The following ZBTB7A variants were observed in gnomAD, a reference collection of about 807,000 sequenced individuals.
The protein encoded by ZBTB7A is zinc finger and BTB domain-containing protein 7A.
A neutral mutation model predicts 26.7 loss-of-function variants in ZBTB7A; 7 were observed. That is an observed-to-expected ratio of 0.26 (90% CI 0.15 to 0.49). ZBTB7A has a LOEUF of 0.49. Among genes scored for constraint, ZBTB7A ranks in the 20% least tolerant of loss-of-function variants. The pLI is 0.98. For synonymous variants in ZBTB7A, 452 were observed against 441.0 expected, an observed-to-expected ratio of 1.02 and a Z score of -0.31; for missense variants, 617 against 919.5, an observed-to-expected ratio of 0.67 and a Z score of 4.25.
At chr19:4,051,632 G>A (rs576398326) in intron 2 of ZBTB7A, among the ~76,000 whole-genome samples, 5 of 152,360 alleles carry the variant, frequency 3.3e-5, no homozygotes, top group African/African-American at 1.2e-4. Flanking sequence ...AACCAGGTCT[G>A]TTACCAGCCT....
Position 4,048,362 on chromosome 19 carries a change from T to TG in ZBTB7A, c.1263-119dup, listed in dbSNP as rs1230003108. 1 of 1,345,234 alleles carries TG rather than the reference T, an allele frequency of 7.4e-7. No homozygotes were observed. The highest frequency in any genetic ancestry group is 3.0e-5 in the East Asian group (1 of 33,004). 83.3% of individuals were successfully genotyped at this position (1,345,234 alleles called of 1,614,324 possible). The stretch of plus-strand genomic sequence containing the variant: ...CATCACCCTTGCAGAACACGGACCG[T>TG]GCACCAGAGGTTTCGGTGCCCCGAT... On this transcript the variant is annotated intron_variant, in intron 2 of 2. Transcript: ENST00000322357. This position sits in a 1 kb window ranked among gnomAD's most constrained non-coding sequence, Gnocchi z 6.7.
Position 4,048,344 on chromosome 19 carries a change from C to T in ZBTB7A, c.1263-100G>A, listed in dbSNP as rs2040451236. 2.1e-6 allele frequency: 3 copies of T among 1,399,338 alleles called. No homozygotes were observed. The Admixed American group carries it at 1.0e-4, about 48-fold the overall frequency. 86.7% of individuals were successfully genotyped at this position (1,399,338 alleles called of 1,614,324 possible). On this transcript the variant is annotated intron_variant, in intron 2 of 2. Transcript: ENST00000322357. This position sits in a 1 kb window ranked among gnomAD's most constrained non-coding sequence, Gnocchi z 6.7. ...ACACGGCAGGCCCTGGATCATCACC[C>T]TTGCAGAACACGGACCGTGCACCAG... is the stretch of plus-strand genomic sequence containing the variant.
At position 4,044,826 on chromosome 19, in the gene ZBTB7A, T is replaced by C. The variant is rs2040394659; in HGVS notation, c.*2926A>G. The C allele has an allele frequency of 6.6e-6, 1 of 152,102 alleles. No homozygotes were observed. 9.4% of individuals were successfully genotyped at this position (152,102 alleles called of 1,614,324 possible). The stretch of plus-strand genomic sequence containing the variant: ...ACACGACCCTCCTCAAATATCATTT[T>C]TTTTTGTTTGTTTGTTTCCTGAAAC... On this transcript the variant is annotated 3_prime_UTR_variant, in exon 3 of 3. Coordinates refer to ENST00000322357, the MANE Select transcript of ZBTB7A (RefSeq NM_015898.4).
chr19:4,051,386 C>T (rs774917752), intron 2 of ZBTB7A, among the ~76,000 whole-genome samples: 1 of 152,068 alleles, frequency 6.6e-6, no homozygotes, highest in Non-Finnish European at 1.5e-5. Context: ...CCTTGAATGC[C>T]CCTCTACCTT....
chr19:4,060,307 G>A (rs2040626042), intron 1 of ZBTB7A, among the ~76,000 whole-genome samples: 1 of 152,244 alleles, frequency 6.6e-6, no homozygotes, highest in African/African-American at 2.4e-5. Flanking sequence ...CTGGCTGCCA[G>A]GCATACCCAG....
At chr19:4,062,073 C>T (rs1224296279) in intron 1 of ZBTB7A, 1 of 152,338 alleles carries the variant, frequency 6.6e-6, no homozygotes, top group Non-Finnish European at 1.5e-5. Flanking sequence ...CTGCCCCACC[C>T]CCACTCTCGC....
intron 2 of ZBTB7A, among the ~76,000 whole-genome samples, chr19:4,049,913 C>A (rs1443520689): frequency 6.6e-6 from 1 of 152,108 alleles, no homozygotes; most frequent in Non-Finnish European, 1.5e-5. Flanking sequence ...CTGTCATCAC[C>A]ACCTGACTCT....
chr19:4,063,269 A>C (rs2040658275), intron 1 of ZBTB7A, among the ~76,000 whole-genome samples: 1 of 152,186 alleles, frequency 6.6e-6, no homozygotes, highest in African/African-American at 2.4e-5. Flanking sequence ...CCCCGGCTGC[A>C]GGGGTCACGG....
At chr19:4,063,815 T>C (rs2040663376) in intron 1 of ZBTB7A, among the ~76,000 whole-genome samples, 1 of 151,952 alleles carries the variant, frequency 6.6e-6, no homozygotes, top group Non-Finnish European at 1.5e-5. Context: ...GCTCTCTGCT[T>C]CCCCCTACGC....
In ZBTB7A at chr19:4,066,726, G is replaced by T; in HGVS notation, c.-60C>A. Reference sequence around the variant, plus strand: ...GCGCGCGGGGCCGGGGCCCGAAGTTGGGACTGGGCTCCCTCGGCCGCTCGC... The same window carrying T: ...GCGCGCGGGGCCGGGGCCCGAAGTTTGGACTGGGCTCCCTCGGCCGCTCGC... On this transcript the variant is annotated 5_prime_UTR_variant, in exon 1 of 3. Transcript: ENST00000322357. The T allele has an allele frequency of 6.6e-6, 1 of 151,470 alleles. No individual in the cohort carries two copies. The highest frequency in any genetic ancestry group is 1.9e-4 in the South Asian group (1 of 5,330). 9.4% of individuals were successfully genotyped at this position (151,470 alleles called of 1,614,324 possible).
At chr19:4,060,755 G>T (rs546342618) in intron 1 of ZBTB7A, among the ~76,000 whole-genome samples, 1 of 152,328 alleles carries the variant, frequency 6.6e-6, no homozygotes, top group East Asian at 1.9e-4. Flanking sequence ...TGGGAGCCAG[G>T]GGCCTCCCCA....
At chr19:4,066,304 A>G (rs1400687692) in intron 1 of ZBTB7A, among the ~76,000 whole-genome samples, 1 of 147,252 alleles carries the variant, frequency 6.8e-6, no homozygotes, top group African/African-American at 2.5e-5. Context: ...TCAGCTGGAA[A>G]CTTAGCAGGC....
At chr19:4,058,988 G>A (rs1384606079) in intron 1 of ZBTB7A, among the ~76,000 whole-genome samples, 1 of 152,230 alleles carries the variant, frequency 6.6e-6, no homozygotes, top group African/African-American at 2.4e-5. Flanking sequence ...TGGGAGCAGG[G>A]AGGGTAGGAG....
Position 4,043,840 on chromosome 19 carries a change from CACCA to C in ZBTB7A, c.*3908_*3911del, listed in dbSNP as rs1568226634. 4.5e-5 allele frequency among the ~76,000 whole-genome samples: 2 copies of C among 44,120 alleles called. No homozygotes were observed. The highest frequency in any genetic ancestry group is 1.1e-4 in the Non-Finnish European group (2 of 18,154). The allele number at this position is 44,120 out of a possible 152,430, so 28.9% of individuals were successfully genotyped here. A position where few individuals can be genotyped will look rare whatever the true frequency, so the allele number is the denominator to read the frequency against. On this transcript the variant is annotated 3_prime_UTR_variant, in exon 3 of 3. Coordinates refer to ENST00000322357, the MANE Select transcript of ZBTB7A (RefSeq NM_015898.4). ...CCTGACCCGTCCTGCGCCAGCCACC[CACCA>C]CCCCCCCCCCCCCACCTCCAGGAAG...
At chr19:4,059,515 G>A (rs2062688211) in intron 1 of ZBTB7A, among the ~76,000 whole-genome samples, 1 of 152,168 alleles carries the variant, frequency 6.6e-6, no homozygotes, top group African/African-American at 2.4e-5. Flanking sequence ...CCCCGTGAGA[G>A]GACTGTGGCC....
chr19:4,045,880 G>C lies in ZBTB7A; in HGVS notation c.*1872C>G. The stretch of plus-strand genomic sequence containing the variant: ...CCCCTGGATTACAGTCAGTGCCTTT[G>C]AGTAAAAAGAGGGGTGCCTGGGGTG... On this transcript the variant is annotated 3_prime_UTR_variant, in exon 3 of 3. Coordinates refer to ENST00000322357, the MANE Select transcript of ZBTB7A (RefSeq NM_015898.4). This position sits in a 1 kb window ranked among gnomAD's most constrained non-coding sequence, Gnocchi z 4.1. The C allele has an allele frequency of 2.5e-6, 1 of 398,728 alleles. No homozygotes were observed. The highest frequency in any genetic ancestry group is 4.4e-6 in the Non-Finnish European group (1 of 226,062). The allele number at this position is 398,728 out of a possible 1,614,324, so 24.7% of individuals were successfully genotyped here.
At chr19:4,065,895 C>T (rs2040691254) in intron 1 of ZBTB7A, among the ~76,000 whole-genome samples, 1 of 143,904 alleles carries the variant, frequency 6.9e-6, no homozygotes, top group Non-Finnish European at 1.5e-5. Context: ...AGCCCGGCTC[C>T]AGGCCCCGCC....
intron 1 of ZBTB7A, among the ~76,000 whole-genome samples, chr19:4,057,252 G>A (rs2040590162): frequency 6.6e-6 from 1 of 151,966 alleles, no homozygotes; most frequent in Non-Finnish European, 1.5e-5. Context: ...GGAGGCTGAG[G>A]CAGGAGAATC....
rs200804885 is a variant in ZBTB7A at position 4,054,156 on chromosome 19, G to C, written c.1077C>G (p.Ala359=). 667 of 1,602,678 alleles carry C rather than the reference G, an allele frequency of 4.2e-4. 7 individuals are homozygous for C. The East Asian group carries it at 0.012, about 30-fold the overall frequency. ...AGGCCGGGTAGACGTCGCCGTCGTG[G>C]GCGCCGCTGAAGTACTTCAGGTAGT... ...MDYYLKYFSG[A]HDGDVYPAWS... The change falls in exon 2 of 3, where the codon GCC becomes GCG. Residue 359 remains alanine (A), a synonymous_variant. Transcript: ENST00000322357.
Sources: gnomAD v4.1 joint callset for allele counts (sites outside exome capture counted in the v4.1 genomes callset) on GRCh38, gnomAD v4.1.1 for gene constraint, Gnocchi (gnomAD v3.1) non-coding constraint, MANE v1.5 for transcripts, NCBI Gene and HGNC (gene_info 2026-07-23, HGNC 2026-07-21) for gene names.